SLC35F1: variants seen among roughly 807,000 people sequenced by gnomAD.
SLC35F1 encodes solute carrier family 35 member F1.
In SLC35F1, 14 loss-of-function variants were observed where a neutral mutation model predicts 48.7. That is an observed-to-expected ratio of 0.29 (90% CI 0.19 to 0.45). The LOEUF (loss-of-function observed/expected upper bound fraction) is 0.45, where lower values mean the gene tolerates loss of function less well. SLC35F1 is among the 20% of genes least tolerant of loss of function. The pLI, the probability that SLC35F1 is intolerant of heterozygous loss-of-function variation, is 1.00. For missense variants in SLC35F1, 404 were observed against 500.0 expected, an observed-to-expected ratio of 0.81 and a Z score of 1.83; for synonymous variants, 190 against 202.2, an observed-to-expected ratio of 0.94 and a Z score of 0.51.
chr6:118,009,680 C>A (rs1777220179), intron 1 of SLC35F1, among the ~76,000 whole-genome samples: 1 of 152,156 alleles, frequency 6.6e-6, no homozygotes, highest in African/African-American at 2.4e-5. Flanking sequence ...ACCCTCTATT[C>A]TTTTGTCTTG....
chr6:118,277,851 A>T (rs1473493134), intron 6 of SLC35F1, among the ~76,000 whole-genome samples: 1 of 152,214 alleles, frequency 6.6e-6, no homozygotes, highest in Non-Finnish European at 1.5e-5. Flanking sequence ...AGGCAGTGGT[A>T]GCACATAAGT....
intron 2 of SLC35F1, among the ~76,000 whole-genome samples, chr6:118,197,093 T>C (rs1423897603): frequency 6.6e-6 from 1 of 151,950 alleles, no homozygotes; most frequent in Non-Finnish European, 1.5e-5. Flanking sequence ...TCACTATGTA[T>C]ATCAAAACAT....
At chr6:118,123,476 A>G (rs1773581960) in intron 1 of SLC35F1, among the ~76,000 whole-genome samples, 1 of 152,162 alleles carries the variant, frequency 6.6e-6, no homozygotes, top group Admixed American at 6.5e-5. Flanking sequence ...TACACAAACG[A>G]CAAAATATTT....
intron 1 of SLC35F1, among the ~76,000 whole-genome samples, chr6:118,136,243 T>C (rs915209423): frequency 6.6e-6 from 1 of 152,192 alleles, no homozygotes; most frequent in African/African-American, 2.4e-5. Flanking sequence ...AATTCAGAAG[T>C]CTCTCTACCC....
chr6:118,028,697 G>C (rs1771993789), intron 1 of SLC35F1, among the ~76,000 whole-genome samples: 1 of 152,088 alleles, frequency 6.6e-6, no homozygotes, highest in Admixed American at 6.5e-5. Context: ...CATAGGGAAA[G>C]AAAATCAGGC....
chr6:118,285,744 A>G (rs573177118), intron 7 of SLC35F1, among the ~76,000 whole-genome samples: 1 of 152,360 alleles, frequency 6.6e-6, no homozygotes, highest in African/African-American at 2.4e-5. Flanking sequence ...AAAAGACACA[A>G]TTCCTGCAGT....
chr6:118,011,010 G>A (rs117704303), intron 1 of SLC35F1, among the ~76,000 whole-genome samples: 16 of 152,278 alleles, frequency 1.1e-4, no homozygotes, highest in Non-Finnish European at 2.4e-4. Flanking sequence ...CAGATGGATT[G>A]ATATTGACAT....
chr6:118,043,952 G>A (rs72959841), intron 1 of SLC35F1, among the ~76,000 whole-genome samples: 27,879 of 152,138 alleles, frequency 0.18, 2,874 homozygotes, highest in Middle Eastern at 0.27. Context: ...TATTCCCCTT[G>A]GTTTTGACAA....
At chr6:118,086,007 A>G (rs144664666) in intron 1 of SLC35F1, among the ~76,000 whole-genome samples, 1 of 152,306 alleles carries the variant, frequency 6.6e-6, no homozygotes, top group East Asian at 1.9e-4. Context: ...AAAGCCAGAG[A>G]AGAAAGGTTT....
chr6:117,950,443 C>T (rs1776349770), intron 1 of SLC35F1, among the ~76,000 whole-genome samples: 1 of 152,136 alleles, frequency 6.6e-6, no homozygotes, highest in African/African-American at 2.4e-5. Context: ...ACATTAAGGA[C>T]TAGTGATTTT....
At chr6:118,257,390 C>G (rs1234872777) in intron 3 of SLC35F1, among the ~76,000 whole-genome samples, 1 of 152,136 alleles carries the variant, frequency 6.6e-6, no homozygotes, top group Non-Finnish European at 1.5e-5. Flanking sequence ...GAGTCCAAGA[C>G]CTGAAGACCA....
At chr6:118,237,543 C>A (rs1443317255) in intron 3 of SLC35F1, among the ~76,000 whole-genome samples, 1 of 152,148 alleles carries the variant, frequency 6.6e-6, no homozygotes, top group Non-Finnish European at 1.5e-5. Context: ...GCACATGCCA[C>A]CACACCTGGC....
intron 3 of SLC35F1, among the ~76,000 whole-genome samples, chr6:118,255,078 T>C (rs1031824432): frequency 2.0e-5 from 3 of 152,138 alleles, no homozygotes; most frequent in African/African-American, 7.2e-5. Flanking sequence ...AGATGCTAGA[T>C]TGATTTGAGG....
intron 1 of SLC35F1, among the ~76,000 whole-genome samples, chr6:118,068,757 A>T (rs1227043886): frequency 1.3e-5 from 2 of 152,142 alleles, no homozygotes; most frequent in Non-Finnish European, 2.9e-5. Context: ...TGCGCATATT[A>T]TCTTATCCAA....
Position 118,151,841 on chromosome 6 carries a change from G to A in SLC35F1, c.174-2604G>A, listed in dbSNP as rs571567368. Among the ~76,000 whole-genome samples, 34 of 152,036 alleles carry A rather than the reference G, an allele frequency of 2.2e-4. No homozygotes were observed. In the South Asian group the frequency reaches 6.9e-3, roughly 31 times the overall value. On this transcript the variant is annotated intron_variant, in intron 1 of 7. Coordinates refer to ENST00000360388, the MANE Select transcript of SLC35F1 (RefSeq NM_001029858.4). Reference sequence around the variant, plus strand: ...CTTTAAAATCGTTTGAGTTAATTCTGGTACTCCTTTTTACCTCTACCTTTC... The same window carrying A: ...CTTTAAAATCGTTTGAGTTAATTCTAGTACTCCTTTTTACCTCTACCTTTC...
intron 2 of SLC35F1, among the ~76,000 whole-genome samples, chr6:118,201,126 T>A (rs1774868958): frequency 6.6e-6 from 1 of 152,204 alleles, no homozygotes; most frequent in Admixed American, 6.5e-5. Context: ...CTTGCTATGT[T>A]GCCCAGGCTG....
intron 2 of SLC35F1, among the ~76,000 whole-genome samples, chr6:118,174,909 C>G (rs749815174): frequency 6.6e-6 from 1 of 151,920 alleles, no homozygotes; most frequent in Non-Finnish European, 1.5e-5. Context: ...AAAAACAACC[C>G]TGTCATCATA....
intron 2 of SLC35F1, among the ~76,000 whole-genome samples, chr6:118,221,021 T>G (rs993937118): frequency 1.7e-4 from 26 of 152,184 alleles, no homozygotes; most frequent in African/African-American, 6.0e-4. Flanking sequence ...TTTGGCATCT[T>G]TTCCTCTCCT....
chr6:118,121,712 A>G (rs1185306993), intron 1 of SLC35F1, among the ~76,000 whole-genome samples: 1 of 152,076 alleles, frequency 6.6e-6, no homozygotes, highest in Non-Finnish European at 1.5e-5. Context: ...TTTCCAACTA[A>G]GTTTATCTTT....
Sources: allele counts gnomAD v4.1 joint callset (sites outside exome capture counted in the v4.1 genomes callset), GRCh38; gene constraint gnomAD v4.1.1; transcripts MANE v1.5; gene names NCBI Gene and HGNC (gene_info 2026-07-23, HGNC 2026-07-21).